The following GABRB2 variants were observed in gnomAD, a reference collection of about 807,000 sequenced individuals.
The protein encoded by GABRB2 is gamma-aminobutyric acid type A receptor subunit beta2.
Under a neutral mutation model 54.7 loss-of-function variants are expected in GABRB2, and 16 were observed. That is an observed-to-expected ratio of 0.29 (90% CI 0.20 to 0.44). The LOEUF (loss-of-function observed/expected upper bound fraction) is 0.44, where lower values mean the gene tolerates loss of function less well. GABRB2 is among the 20% of genes least tolerant of loss of function. The probability of loss-of-function intolerance (pLI) is 1.00; values close to 1 mark genes in which losing one functional copy is unlikely to be tolerated. For missense variants in GABRB2, 355 were observed against 644.0 expected (o/e 0.55, Z 4.86); for synonymous variants, 244 against 233.8 (o/e 1.04, Z -0.40).
intron 7 of GABRB2, among the ~76,000 whole-genome samples, chr5:161,332,106 C>CA (rs1197901790): frequency 2.2e-5 from 3 of 138,558 alleles, no homozygotes; most frequent in African/African-American, 8.3e-5. Context: ...GCGGAGCTTG[C>CA]AGTGAGCCGA....
At chr5:161,463,846 T>C (rs1487108673) in intron 3 of GABRB2, among the ~76,000 whole-genome samples, 1 of 151,526 alleles carries the variant, frequency 6.6e-6, no homozygotes, top group African/African-American at 2.4e-5. Context: ...TCTTATTATA[T>C]AACAAAAGGT....
intron 9 of GABRB2, among the ~76,000 whole-genome samples, chr5:161,305,659 T>C (rs1386676993): frequency 6.6e-6 from 1 of 152,220 alleles, no homozygotes; most frequent in Non-Finnish European, 1.5e-5. Flanking sequence ...GCATTATGGG[T>C]GATGACTTGC....
chr5:161,373,113 G>A (rs896608806), intron 5 of GABRB2, among the ~76,000 whole-genome samples: 2 of 152,076 alleles, frequency 1.3e-5, no homozygotes, highest in African/African-American at 4.8e-5. Flanking sequence ...GTATGCAAAT[G>A]TGTGTTACAT....
chr5:161,342,525 T>C (rs1389471889), intron 5 of GABRB2, among the ~76,000 whole-genome samples: 1 of 152,114 alleles, frequency 6.6e-6, no homozygotes, highest in Non-Finnish European at 1.5e-5. Context: ...AACAGTAGTT[T>C]AGGAAAACCT....
intron 9 of GABRB2, among the ~76,000 whole-genome samples, chr5:161,308,188 C>T (rs1435414005): frequency 6.6e-6 from 1 of 152,154 alleles, no homozygotes; most frequent in African/African-American, 2.4e-5. Context: ...TTCTCTCTAG[C>T]TTCTCACAGT....
chr5:161,361,576 A>G lies in GABRB2; in HGVS notation c.542-24807T>C, dbSNP rs1180906147. Among the ~76,000 whole-genome samples, 3 of 152,320 alleles carry G rather than the reference A, an allele frequency of 2.0e-5. No homozygotes were observed. In the East Asian group the frequency reaches 5.8e-4, roughly 29 times the overall value. On this transcript the variant is annotated intron_variant, in intron 5 of 9. Coordinates refer to ENST00000393959, the MANE Select transcript of GABRB2 (RefSeq NM_001371727.1). ...TGGTTGAAATTTTTGATTATAAAAAATAAAAAGAAATAAGGAAAAAAGACA... is the reference window on the plus strand; with the variant it reads ...TGGTTGAAATTTTTGATTATAAAAAGTAAAAAGAAATAAGGAAAAAAGACA...
chr5:161,438,940 T>C (rs1757385851), intron 4 of GABRB2, among the ~76,000 whole-genome samples: 1 of 152,116 alleles, frequency 6.6e-6, no homozygotes. Context: ...ATCTAAGAGT[T>C]ATTGGCCTTA....
chr5:161,334,617 T>A, intron 7 of GABRB2, 135 bp downstream of exon 7: 1 of 790,330 alleles, frequency 1.3e-6, no homozygotes, highest in South Asian at 1.9e-5. Context: ...CAAAGTCTCA[T>A]AGCGAAACTC....
At chr5:161,353,199 G>A in intron 5 of GABRB2, among the ~76,000 whole-genome samples, 1 of 152,032 alleles carries the variant, frequency 6.6e-6, no homozygotes, top group Non-Finnish European at 1.5e-5. Context: ...TTAGAAAATA[G>A]TTGTTTATTT....
At chr5:161,544,933 G>A (rs1232602957) in intron 3 of GABRB2, among the ~76,000 whole-genome samples, 1 of 152,054 alleles carries the variant, frequency 6.6e-6, no homozygotes, top group Non-Finnish European at 1.5e-5. Context: ...TTCTCATTGA[G>A]CCTGAGGAGA....
At chr5:161,410,740 C>A (rs1169732766) in intron 5 of GABRB2, among the ~76,000 whole-genome samples, 1 of 152,108 alleles carries the variant, frequency 6.6e-6, no homozygotes, top group Non-Finnish European at 1.5e-5. Context: ...CCTTTTATTG[C>A]CAGATTATTT....
chr5:161,404,149 C>A lies in GABRB2; in HGVS notation c.541+6826G>T, dbSNP rs111479697. ...ATGTCAGAGGTTCAACATGCACATC[C>A]AAGCACTTGTCTATGGTCATGAAGG... On this transcript the variant is annotated intron_variant, in intron 5 of 9. Transcript: ENST00000393959. Among the ~76,000 whole-genome samples the A allele has an allele frequency of 3.9e-5, 6 of 152,210 alleles. No individual in the cohort carries two copies. In the East Asian group the frequency reaches 1.2e-3, roughly 29 times the overall value.
intron 3 of GABRB2, among the ~76,000 whole-genome samples, chr5:161,491,849 C>T (rs537343337): frequency 4.0e-5 from 6 of 151,708 alleles, no homozygotes; most frequent in South Asian, 2.1e-4. Flanking sequence ...TTTTATCTTT[C>T]GATATGCATT....
At chr5:161,526,813 T>C (rs186548337) in intron 3 of GABRB2, among the ~76,000 whole-genome samples, 1 of 151,508 alleles carries the variant, frequency 6.6e-6, no homozygotes, top group Admixed American at 6.6e-5. Flanking sequence ...CACAATTTAG[T>C]AAGAAATATG....
chr5:161,426,227 C>T (rs1756995175), intron 4 of GABRB2, among the ~76,000 whole-genome samples: 1 of 152,092 alleles, frequency 6.6e-6, no homozygotes, highest in Admixed American at 6.6e-5. Context: ...GCAAAAGGTC[C>T]TTTTGAACTT....
intron 3 of GABRB2, among the ~76,000 whole-genome samples, chr5:161,530,572 A>G (rs1037317581): frequency 6.6e-6 from 1 of 152,120 alleles, no homozygotes; most frequent in Non-Finnish European, 1.5e-5. Context: ...AAAAAAATAT[A>G]TCTCTTCCAA....
chr5:161,379,649 A>T (rs1422952), intron 5 of GABRB2, among the ~76,000 whole-genome samples: 140,066 of 152,198 alleles, frequency 0.92, 64,535 homozygotes, highest in East Asian at 0.98. Context: ...AGAAGCAGAC[A>T]TTCATACATT....
chr5:161,358,215 G>C (rs907275084), intron 5 of GABRB2, among the ~76,000 whole-genome samples: 2 of 152,132 alleles, frequency 1.3e-5, no homozygotes, highest in Admixed American at 1.3e-4. Flanking sequence ...ATGTATTAAG[G>C]AGTGGAGGCT....
intron 4 of GABRB2, among the ~76,000 whole-genome samples, chr5:161,422,906 T>A (rs1047982013): frequency 6.6e-6 from 1 of 152,322 alleles, no homozygotes; most frequent in East Asian, 1.9e-4. Flanking sequence ...GTAGAAAAGA[T>A]GATAAAATGA....
Sources: gnomAD v4.1 joint callset for allele counts (sites outside exome capture counted in the v4.1 genomes callset) on GRCh38, gnomAD v4.1.1 for gene constraint, MANE v1.5 for transcripts, NCBI Gene and HGNC (gene_info 2026-07-23, HGNC 2026-07-21) for gene names.